ACBD5: variants seen among roughly 807,000 people sequenced by gnomAD.
ACBD5 encodes the protein acyl-CoA-binding domain-containing protein 5.
In ACBD5, 40 loss-of-function variants were observed where a neutral mutation model predicts 71.8. The observed-to-expected ratio is 0.56, with a 90% confidence interval of 0.43 to 0.72. The LOEUF is 0.72. Ranked by LOEUF, ACBD5 falls within the 30% of genes least tolerant of loss-of-function variation. The pLI is 0.00. For synonymous variants in ACBD5, 229 were observed against 218.6 expected (o/e 1.05, Z -0.42); for missense variants, 559 against 644.5 (o/e 0.87, Z 1.44).
In ACBD5 at chr10:27,196,549, C is replaced by T. The variant is rs554933500; in HGVS notation, c.*881G>A. On this transcript the variant is annotated 3_prime_UTR_variant, in exon 13 of 13. Coordinates refer to ENST00000396271, the MANE Select transcript of ACBD5 (RefSeq NM_145698.5). The stretch of plus-strand genomic sequence containing the variant: ...TCATCAGTTGCAGAAAAGTGATTTT[C>T]GTGTGTTTCCTTTTTGACTGTTGTA... 1.1e-5 allele frequency: 5 copies of T among 453,638 alleles called. No homozygotes were observed. Among genetic ancestry groups the T allele is most frequent in the Admixed American group, 7.1e-5 (3 of 42,414 alleles). The allele number at this position is 453,638 out of a possible 1,614,324, so 28.1% of individuals were successfully genotyped here.
chr10:27,228,815 A>ATATATATTTTT (rs1554856598), intron 4 of ACBD5, among the ~76,000 whole-genome samples: 6 of 20,368 alleles, frequency 2.9e-4, no homozygotes, highest in African/African-American at 3.5e-4. Flanking sequence ...ATATATATAT[A>ATATATATTTTT]TTTTTTTTTT....
chr10:27,207,225 G>A (rs535943325), intron 10 of ACBD5, among the ~76,000 whole-genome samples: 4 of 151,440 alleles, frequency 2.6e-5, no homozygotes, highest in South Asian at 2.1e-4. Flanking sequence ...GCAGTGAGCC[G>A]AGATCCCGCC....
At chr10:27,198,673 C>T (rs555395569) in intron 12 of ACBD5, among the ~76,000 whole-genome samples, 1 of 152,152 alleles carries the variant, frequency 6.6e-6, no homozygotes, top group African/African-American at 2.4e-5. Flanking sequence ...TTGACAAAGA[C>T]AAGAGAGATG....
intron 4 of ACBD5, among the ~76,000 whole-genome samples, chr10:27,226,719 T>G (rs1192222838): frequency 6.6e-6 from 1 of 151,924 alleles, no homozygotes; most frequent in African/African-American, 2.4e-5. Context: ...TGGCATGATC[T>G]TGGCTCACTG....
chr10:27,187,532 G>A (rs938930560), intron 13 of ACBD5, among the ~76,000 whole-genome samples: 9 of 152,114 alleles, frequency 5.9e-5, no homozygotes, highest in East Asian at 1.9e-4. Flanking sequence ...CAGGCAAGTC[G>A]CTTGAGGCCT....
chr10:27,227,802 T>C (rs1478793501), intron 4 of ACBD5, among the ~76,000 whole-genome samples: 4 of 151,984 alleles, frequency 2.6e-5, no homozygotes, highest in African/African-American at 7.3e-5. Flanking sequence ...AACCTCCGCC[T>C]CCTTAATTCA....
intron 7 of ACBD5, 32 bp downstream of exon 7, chr10:27,217,948 A>C: frequency 6.3e-7 from 1 of 1,586,654 alleles, no homozygotes; most frequent in Non-Finnish European, 8.7e-7. Context: ...CATAGGAAAG[A>C]GGCTGGACAC....
rs66967226 is a variant in ACBD5, at chr10:27,226,449, T to TACACACACACACAC, written c.376-3011_376-2998dup. 2.2e-5 allele frequency among the ~76,000 whole-genome samples: 3 copies of TACACACACACACAC among 134,944 alleles called. 1 individual carries two copies. The Admixed American group carries it at 2.3e-4, about 10-fold the overall frequency. The allele number at this position is 134,944 out of a possible 152,430, so 88.5% of individuals were successfully genotyped here. A position where few individuals can be genotyped will look rare whatever the true frequency, so the allele number is the denominator to read the frequency against. On this transcript the variant is annotated intron_variant, in intron 4 of 12. Coordinates refer to ENST00000396271, the MANE Select transcript of ACBD5 (RefSeq NM_145698.5). ...ACATGTACACACATGAGATACAGAC[T>TACACACACACACAC]ACACACACACACACACACACACACA... is the stretch of plus-strand genomic sequence containing the variant.
intron 4 of ACBD5, among the ~76,000 whole-genome samples, chr10:27,224,164 G>A (rs867950443): frequency 9.4e-5 from 14 of 149,134 alleles, no homozygotes; most frequent in African/African-American, 3.0e-4. Context: ...CCAGGAGTTC[G>A]AGACTTGCCT....
At chr10:27,200,641 T>C (rs907719741) in intron 12 of ACBD5, among the ~76,000 whole-genome samples, 4 of 152,074 alleles carry the variant, frequency 2.6e-5, no homozygotes, top group African/African-American at 9.7e-5. Context: ...GTATTTTTAG[T>C]AGAGATAGAG....
At chr10:27,220,396 A>C (rs975839181) in intron 5 of ACBD5, 1 of 152,790 alleles carries the variant, frequency 6.5e-6, no homozygotes, top group Non-Finnish European at 1.5e-5. Context: ...CCAAGTGGCC[A>C]AAGCTATATC....
chr10:27,186,760 TC>T, intron 13 of ACBD5: 1 of 552,582 alleles, frequency 1.8e-6, no homozygotes, highest in Non-Finnish European at 3.2e-6. Flanking sequence ...AAAGCTTTTT[TC>T]ATTTATTTAT....
chr10:27,185,233 G>A (rs761321009), intron 13 of ACBD5, among the ~76,000 whole-genome samples: 1 of 152,194 alleles, frequency 6.6e-6, no homozygotes, highest in Admixed American at 6.5e-5. Flanking sequence ...CAAGGCCTTA[G>A]AGTCAAAACT....
intron 4 of ACBD5, among the ~76,000 whole-genome samples, chr10:27,230,419 T>C (rs2063699273): frequency 6.6e-6 from 1 of 152,210 alleles, no homozygotes; most frequent in African/African-American, 2.4e-5. Flanking sequence ...AGATTTTCTT[T>C]ATGTTCAAAG....
intron 8 of ACBD5, among the ~76,000 whole-genome samples, chr10:27,214,890 A>G (rs1753423): frequency 0.95 from 145,165 of 152,146 alleles, 69,312 homozygotes; most frequent in East Asian, 1. Context: ...TAGGTTGGGC[A>G]CAATGCCTCA....
Position 27,204,508 on chromosome 10 carries a change from TAGCACACC to T in ACBD5, c.1489_1496del (p.Gly497AsnfsTer56). ...TAAAAGGCCATATGATGGCAAACGT[TAGCACACC>T]AGGAGACATCTCGAAGGGCCACCAA... is the stretch of plus-strand genomic sequence containing the variant. On this transcript the variant is annotated frameshift_variant, in exon 12 of 13. Coordinates refer to ENST00000396271, the MANE Select transcript of ACBD5 (RefSeq NM_145698.5). LOFTEE classifies it high-confidence loss of function. 6.2e-7 allele frequency: 1 copy of T among 1,614,112 alleles called. No individual in the cohort carries two copies. The highest frequency in any genetic ancestry group is 8.5e-7 in the Non-Finnish European group (1 of 1,180,004).
intron 4 of ACBD5, among the ~76,000 whole-genome samples, chr10:27,228,807 A>ATTT (rs1564691136): frequency 6.2e-3 from 42 of 6,812 alleles, no homozygotes; most frequent in African/African-American, 8.3e-3. Context: ...ATATATATAT[A>ATTT]TATATATATT....
chr10:27,209,468 G>A (rs1459320273), intron 9 of ACBD5, among the ~76,000 whole-genome samples: 3 of 152,002 alleles, frequency 2.0e-5, no homozygotes, highest in Middle Eastern at 3.2e-3. Context: ...GATTACAGGC[G>A]CATGCCACTA....
Position 27,211,158 on chromosome 10 carries a change from G to C in ACBD5, c.937-77C>G. The C allele has an allele frequency of 3.6e-6, 5 of 1,384,472 alleles. No individual in the cohort carries two copies. The South Asian group carries it at 5.9e-5, about 16-fold the overall frequency. 85.8% of individuals were successfully genotyped at this position (1,384,472 alleles called of 1,614,324 possible). ...CCACAAAGTTTTTACAGCAATAGGAGAAATACTGTTTTCCTAAAATGTTCT... is the reference window on the plus strand; with the variant it reads ...CCACAAAGTTTTTACAGCAATAGGACAAATACTGTTTTCCTAAAATGTTCT... On this transcript the variant is annotated intron_variant, in intron 8 of 12. Transcript: ENST00000396271.
Sources: allele counts gnomAD v4.1 joint callset (sites outside exome capture counted in the v4.1 genomes callset), GRCh38; gene constraint gnomAD v4.1.1; transcripts MANE v1.5; gene names NCBI Gene and HGNC (gene_info 2026-07-23, HGNC 2026-07-21).